Variants in UTRN observed in about 807,000 individuals in gnomAD.
UTRN encodes dystrophin-related protein 1.
A neutral mutation model predicts 463.9 loss-of-function variants in UTRN; 283 were observed. That is an observed-to-expected ratio of 0.61 (90% CI 0.55 to 0.67). The LOEUF (loss-of-function observed/expected upper bound fraction) is 0.67, where lower values mean the gene tolerates loss of function less well. Among genes scored for constraint, UTRN ranks in the 30% least tolerant of loss-of-function variants. The pLI, the probability that UTRN is intolerant of heterozygous loss-of-function variation, is 0.00. For missense variants in UTRN, 3,922 were observed against 4,084.3 expected (o/e 0.96, Z 1.08); for synonymous variants, 1,442 against 1,431.5 (o/e 1.01, Z -0.17).
rs141558777 is a variant in UTRN, at chr6:144,742,340, A to G, written c.7940-5906A>G. ...GTTGTCATCAGTTATTGTACAGAGT[A>G]GGAAATGGTCAGGGCCCTCTCAAAC... On this transcript the variant is annotated intron_variant, in intron 54 of 74. Transcript: ENST00000367545. 4.0e-3 allele frequency among the ~76,000 whole-genome samples: 607 copies of G among 152,346 alleles called. 3 individuals are homozygous for G. The highest frequency in any genetic ancestry group is 0.014 in the African/African-American group (582 of 41,588).
At chr6:144,533,452 C>G (rs1366780452) in intron 43 of UTRN, among the ~76,000 whole-genome samples, 192 bp downstream of exon 43, 1 of 152,170 alleles carries the variant, frequency 6.6e-6, no homozygotes, top group East Asian at 1.9e-4. Flanking sequence ...CTTTTCTACT[C>G]AAATGCTACA....
intron 33 of UTRN, among the ~76,000 whole-genome samples, chr6:144,495,129 A>G (rs534472838): frequency 6.6e-6 from 1 of 152,308 alleles, no homozygotes; most frequent in East Asian, 1.9e-4. Flanking sequence ...GCTGCCTTCC[A>G]GTCCCGCACC....
chr6:144,412,337 A>T (rs904195806), intron 3 of UTRN, among the ~76,000 whole-genome samples: 1 of 152,166 alleles, frequency 6.6e-6, no homozygotes, highest in African/African-American at 2.4e-5. Flanking sequence ...TAATGGTTTA[A>T]AAATGTATTA....
intron 65 of UTRN, among the ~76,000 whole-genome samples, chr6:144,818,020 A>T (rs1586697876): frequency 1.3e-5 from 2 of 152,206 alleles, no homozygotes; most frequent in South Asian, 4.2e-4. Flanking sequence ...TTGGTCTTTC[A>T]TGTCTTGAAA....
intron 63 of UTRN, among the ~76,000 whole-genome samples, chr6:144,795,522 C>G (rs1202617931): frequency 6.6e-6 from 1 of 152,214 alleles, no homozygotes; most frequent in Non-Finnish European, 1.5e-5. Context: ...TCCACATCCT[C>G]TCCAGCATCT....
Position 144,839,166 on chromosome 6 carries a change from G to A in UTRN, c.10066-7G>A. 6.2e-7 allele frequency: 1 copy of A among 1,610,568 alleles called. No individual in the cohort carries two copies. The highest frequency in any genetic ancestry group is 1.3e-5 in the African/African-American group (1 of 74,984). ...TTCTCTGCTTTAACCTCTGAATGTGGTTCCAGCCTGAATCTGATTCCCGAA... is the reference window on the plus strand; with the variant it reads ...TTCTCTGCTTTAACCTCTGAATGTGATTCCAGCCTGAATCTGATTCCCGAA... On this transcript the variant is annotated splice_polypyrimidine_tract_variant and splice_region_variant and intron_variant, in intron 71 of 74. Transcript: ENST00000367545.
intron 52 of UTRN, among the ~76,000 whole-genome samples, chr6:144,685,552 C>A (rs973947503): frequency 1.3e-5 from 2 of 152,142 alleles, no homozygotes; most frequent in Non-Finnish European, 2.9e-5. Flanking sequence ...TTAATAATGG[C>A]CGTTCTGGTC....
intron 2 of UTRN, among the ~76,000 whole-genome samples, 160 bp from the exon 3 acceptor site, chr6:144,402,963 C>T (rs1429888527): frequency 6.6e-6 from 1 of 152,110 alleles, no homozygotes; most frequent in East Asian, 1.9e-4. Context: ...GTGTACCGGG[C>T]AGTCATCACA....
chr6:144,736,771 G>C (rs1789451771), intron 54 of UTRN, among the ~76,000 whole-genome samples: 1 of 152,096 alleles, frequency 6.6e-6, no homozygotes, highest in East Asian at 1.9e-4. Context: ...TTTCCATCCG[G>C]CCCCACCTTG....
chr6:144,724,467 T>A (rs1586228585), intron 53 of UTRN, among the ~76,000 whole-genome samples: 1 of 152,002 alleles, frequency 6.6e-6, no homozygotes, highest in Non-Finnish European at 1.5e-5. Flanking sequence ...GACCTTGTGA[T>A]CCTCCCGCCT....
intron 2 of UTRN, among the ~76,000 whole-genome samples, chr6:144,328,347 G>A (rs1464973047): frequency 2.0e-5 from 3 of 152,264 alleles, no homozygotes; most frequent in African/African-American, 7.2e-5. Flanking sequence ...TTTTAGAGAG[G>A]TGATGAAACA....
At chr6:144,371,380 T>C (rs2114712201) in intron 2 of UTRN, among the ~76,000 whole-genome samples, 1 of 152,322 alleles carries the variant, frequency 6.6e-6, no homozygotes, top group Middle Eastern at 3.4e-3. Context: ...CATACTAAAG[T>C]TCTTTGCAGA....
At chr6:144,336,398 T>C (rs1776721886) in intron 2 of UTRN, among the ~76,000 whole-genome samples, 1 of 152,114 alleles carries the variant, frequency 6.6e-6, no homozygotes, top group Non-Finnish European at 1.5e-5. Flanking sequence ...AGGTAGAGAT[T>C]GTGACTGTAG....
intron 2 of UTRN, among the ~76,000 whole-genome samples, chr6:144,373,447 T>C (rs923295956): frequency 4.6e-5 from 7 of 152,218 alleles, no homozygotes; most frequent in African/African-American, 1.4e-4. Flanking sequence ...ATTCCATTTA[T>C]ATGAAATGTC....
chr6:144,656,192 T>C (rs1292730869), intron 51 of UTRN, among the ~76,000 whole-genome samples: 1 of 152,204 alleles, frequency 6.6e-6, no homozygotes, highest in African/African-American at 2.4e-5. Flanking sequence ...TATTTGCACA[T>C]TGGCTTAAAT....
intron 41 of UTRN, among the ~76,000 whole-genome samples, chr6:144,523,662 G>T (rs572518257): frequency 2.6e-5 from 4 of 152,150 alleles, no homozygotes; most frequent in Admixed American, 6.5e-5. Context: ...AAGGAGGAAT[G>T]TGATCATGTA....
rs1240728935 is a variant in UTRN at position 144,476,753 on chromosome 6, G to A, written c.3336+1994G>A. Among the ~76,000 whole-genome samples, 4 of 152,086 alleles carry A rather than the reference G, an allele frequency of 2.6e-5. No individual in the cohort carries two copies. The East Asian group carries it at 7.7e-4, about 29-fold the overall frequency. On this transcript the variant is annotated intron_variant, in intron 25 of 74. Coordinates refer to ENST00000367545, the MANE Select transcript of UTRN (RefSeq NM_007124.3). The stretch of plus-strand genomic sequence containing the variant: ...GAGCTTTAAATTTGATAAGAAGGAG[G>A]CATTTAATAACCTTGAGAAAGCAGG...
At chr6:144,831,525 CAAGG>C (rs1384408176) in intron 69 of UTRN, among the ~76,000 whole-genome samples, 3 of 152,146 alleles carry the variant, frequency 2.0e-5, no homozygotes, top group Non-Finnish European at 4.4e-5. Context: ...ATTTTATAAA[CAAGG>C]AAGCTGACAT....
chr6:144,706,211 A>G (rs1280858302), intron 53 of UTRN, among the ~76,000 whole-genome samples: 2 of 140,440 alleles, frequency 1.4e-5, no homozygotes, highest in African/African-American at 5.8e-5. Context: ...AGATTGCTCT[A>G]TATTTCAGGG....
Sources: gnomAD v4.1 joint callset for allele counts (sites outside exome capture counted in the v4.1 genomes callset) on GRCh38, gnomAD v4.1.1 for gene constraint, MANE v1.5 for transcripts, NCBI Gene and HGNC (gene_info 2026-07-23, HGNC 2026-07-21) for gene names.